Variants in VWA8 observed in about 807,000 individuals in gnomAD.
VWA8 encodes the protein von Willebrand factor A domain-containing protein 8.
In VWA8, 221 loss-of-function variants were observed where a neutral mutation model predicts 241.5. The observed-to-expected ratio is 0.91, with a 90% CI of 0.82 to 1.02. The LOEUF (loss-of-function observed/expected upper bound fraction) is 1.02, where lower values mean the gene tolerates loss of function less well. VWA8 is among the 50% of genes least tolerant of loss of function. VWA8 has a pLI of 0.00. For missense variants in VWA8, 2,322 were observed against 2,328.7 expected (o/e 1.00, Z 0.06); for synonymous variants, 852 against 827.1 (o/e 1.03, Z -0.52).
chr13:41,887,802 T>C (rs950422982), intron 5 of VWA8, among the ~76,000 whole-genome samples: 1 of 152,246 alleles, frequency 6.6e-6, no homozygotes. Context: ...TTACTAGCAA[T>C]AACTAACATG....
intron 1 of VWA8, among the ~76,000 whole-genome samples, chr13:41,959,434 C>CA (rs1878488926): frequency 1.6e-5 from 1 of 61,720 alleles, no homozygotes; most frequent in Non-Finnish European, 3.3e-5. Flanking sequence ...AAAGAACACA[C>CA]AAAAAATGTA....
At chr13:41,789,274 C>T (rs765067630) in intron 17 of VWA8, among the ~76,000 whole-genome samples, 3 of 151,810 alleles carry the variant, frequency 2.0e-5, no homozygotes, top group Non-Finnish European at 4.4e-5. Context: ...TATTTTTTCC[C>T]TCTCCTCCCT....
chr13:41,806,075 T>C (rs1870194105), intron 17 of VWA8, among the ~76,000 whole-genome samples: 1 of 149,618 alleles, frequency 6.7e-6, no homozygotes, highest in East Asian at 1.9e-4. Flanking sequence ...AATCAGTAAC[T>C]GGAGGAATTT....
chr13:41,585,670 C>A (rs1015691317), intron 42 of VWA8, among the ~76,000 whole-genome samples: 2 of 151,822 alleles, frequency 1.3e-5, no homozygotes, highest in African/African-American at 4.8e-5. Flanking sequence ...TCGAGACCAG[C>A]CTGACCAACA....
intron 4 of VWA8, among the ~76,000 whole-genome samples, chr13:41,904,771 CA>C (rs1875624731): frequency 6.6e-6 from 1 of 151,872 alleles, no homozygotes; most frequent in Non-Finnish European, 1.5e-5. Flanking sequence ...AAAATTAACC[CA>C]ATATGAAATT....
chr13:41,711,630 T>G (rs2045317348), intron 26 of VWA8, among the ~76,000 whole-genome samples: 1 of 152,192 alleles, frequency 6.6e-6, no homozygotes, highest in African/African-American at 2.4e-5. Context: ...ATCCCAGCAC[T>G]TTGGGAGGCC....
chr13:41,676,066 C>G (rs2045058145), intron 35 of VWA8, among the ~76,000 whole-genome samples: 1 of 151,996 alleles, frequency 6.6e-6, no homozygotes, highest in South Asian at 2.1e-4. Flanking sequence ...AGTTTAAAAT[C>G]CTGAAAATCA....
At chr13:41,772,625 C>A (rs1397072684) in intron 20 of VWA8, among the ~76,000 whole-genome samples, 1 of 152,166 alleles carries the variant, frequency 6.6e-6, no homozygotes, top group African/African-American at 2.4e-5. Context: ...GTACTCTATC[C>A]CACTTGGCAG....
At chr13:41,642,573 A>G (rs1259134495) in intron 37 of VWA8, among the ~76,000 whole-genome samples, 4 of 151,444 alleles carry the variant, frequency 2.6e-5, no homozygotes, top group South Asian at 2.1e-4. Flanking sequence ...AAAAAAAAAA[A>G]AAAAAGAAAA....
chr13:41,902,850 T>C (rs529755317), intron 4 of VWA8, among the ~76,000 whole-genome samples: 2 of 152,254 alleles, frequency 1.3e-5, no homozygotes, highest in Middle Eastern at 3.4e-3. Context: ...CCAGCTGATA[T>C]GTCAATTCGT....
chr13:41,900,231 TA>T (rs1875359625), intron 4 of VWA8, among the ~76,000 whole-genome samples: 1 of 152,210 alleles, frequency 6.6e-6, no homozygotes, highest in African/African-American at 2.4e-5. Context: ...ATACAGGTTG[TA>T]ACATAAAATA....
At chr13:41,687,935 T>C (rs2045147987) in intron 34 of VWA8, among the ~76,000 whole-genome samples, 1 of 152,146 alleles carries the variant, frequency 6.6e-6, no homozygotes, top group Non-Finnish European at 1.5e-5. Flanking sequence ...TTTCTAACTT[T>C]TTATAATAAC....
At chr13:41,882,745 A>T (rs989524810) in intron 9 of VWA8, among the ~76,000 whole-genome samples, 3 of 152,134 alleles carry the variant, frequency 2.0e-5, no homozygotes, top group Non-Finnish European at 4.4e-5. Context: ...GTGAGCCGAG[A>T]TGGCAGCAGT....
intron 39 of VWA8, among the ~76,000 whole-genome samples, chr13:41,606,725 G>A (rs2044555910): frequency 1.3e-5 from 2 of 152,156 alleles, no homozygotes; most frequent in African/African-American, 2.4e-5. Flanking sequence ...CACCATGGGG[G>A]AGAGCGCCAG....
intron 9 of VWA8, among the ~76,000 whole-genome samples, chr13:41,870,261 G>GA (rs886777802): frequency 3.7e-4 from 54 of 145,600 alleles, no homozygotes; most frequent in Admixed American, 1.2e-3. Flanking sequence ...TTAATTTCAT[G>GA]AAAAAAAAAA....
rs149130351 is a variant in VWA8, at chr13:41,953,571, C to A, written c.164-3558G>T. On this transcript the variant is annotated intron_variant, in intron 1 of 44. Coordinates refer to ENST00000379310, the MANE Select transcript of VWA8 (RefSeq NM_015058.2). ...CTATAATCCCAGCACTTTGGGAGGC[C>A]GAGGTGGGTGGATCACCTGAGGCCA... Among the ~76,000 whole-genome samples the A allele has an allele frequency of 7.3e-3, 1,118 of 152,214 alleles. 16 individuals carry two copies. The highest frequency in any genetic ancestry group is 0.026 in the African/African-American group (1,070 of 41,500).
intron 37 of VWA8, among the ~76,000 whole-genome samples, chr13:41,658,852 A>G (rs917755111): frequency 1.3e-5 from 2 of 152,208 alleles, no homozygotes; most frequent in African/African-American, 4.8e-5. Context: ...CTCTGCCTGG[A>G]AAGTGAGCAG....
chr13:41,663,512 C>T (rs2044966201), intron 37 of VWA8, among the ~76,000 whole-genome samples: 1 of 152,110 alleles, frequency 6.6e-6, no homozygotes, highest in Non-Finnish European at 1.5e-5. Flanking sequence ...TTAAAGGTAA[C>T]TACTTCAACT....
intron 2 of VWA8, among the ~76,000 whole-genome samples, chr13:41,931,453 T>C (rs1007204964): frequency 6.6e-6 from 1 of 151,880 alleles, no homozygotes; most frequent in Non-Finnish European, 1.5e-5. Flanking sequence ...AGTATTTAAA[T>C]AGCAGATATG....
Sources: gnomAD v4.1 joint callset for allele counts (sites outside exome capture counted in the v4.1 genomes callset) on GRCh38, gnomAD v4.1.1 for gene constraint, MANE v1.5 for transcripts, NCBI Gene and HGNC (gene_info 2026-07-23, HGNC 2026-07-21) for gene names.